TMC6: variants seen among roughly 807,000 people sequenced by gnomAD.
TMC6 encodes the protein transmembrane channel-like protein 6.
A neutral mutation model predicts 95.4 loss-of-function variants in TMC6; 71 were observed. The ratio of observed to expected loss-of-function variants is 0.74; its 90% CI spans 0.61 to 0.91. The LOEUF (loss-of-function observed/expected upper bound fraction) is 0.91, where lower values mean the gene tolerates loss of function less well. Among genes scored for constraint, TMC6 ranks in the 40% least tolerant of loss-of-function variants. TMC6 has a pLI of 0.00. For synonymous variants in TMC6, 514 were observed against 483.1 expected (o/e 1.06, Z -0.84); for missense variants, 1,074 against 1,079.1 (o/e 1.00, Z 0.07).
upstream of TMC6, chr17:78,131,496 GC>G: frequency 6.6e-7 from 1 of 1,504,778 alleles, no homozygotes; most frequent in South Asian, 1.2e-5. Flanking sequence ...GTGCACAGAG[GC>G]CATAGCCAAG....
chr17:78,131,194 G>T (rs2074954865), upstream of TMC6: 15 of 344,206 alleles, frequency 4.4e-5, no homozygotes, highest in South Asian at 3.7e-4. Context: ...GGCACAGGTG[G>T]ATGCGGGGTG....
upstream of TMC6, among the ~76,000 whole-genome samples, chr17:78,129,127 C>CG (rs1243854056): frequency 2.2e-4 from 33 of 147,710 alleles, no homozygotes; most frequent in African/African-American, 8.2e-4. This position sits in a 1 kb window ranked among gnomAD's most constrained non-coding sequence, Gnocchi z 4.3. Context: ...CCCCCCCCCC[C>CG]GCCGCCCCCG....
At chr17:78,116,123 G>A (rs1183372945) in intron 18 of TMC6, among the ~76,000 whole-genome samples, 2 of 151,760 alleles carry the variant, frequency 1.3e-5, no homozygotes, top group South Asian at 2.1e-4. Flanking sequence ...GGTACAGGTG[G>A]ACGCCACCAC....
At position 78,126,186 on chromosome 17, in the gene TMC6, GGGAGATGCCT is replaced by G. The variant is rs1165222410; in HGVS notation, c.271+81_271+90del. On this transcript the variant is annotated intron_variant, in intron 4 of 19. Coordinates refer to ENST00000590602, the MANE Select transcript of TMC6 (RefSeq NM_001127198.5). ...GAGCTACGGGAGCAGCCACTACCCAGGGAGATGCCTGGCAGGAAGCCCAGCCCAGCCCCAG... is the reference window on the plus strand; with the variant it reads ...GAGCTACGGGAGCAGCCACTACCCAGGGCAGGAAGCCCAGCCCAGCCCCAG... 2.7e-6 allele frequency: 4 copies of G among 1,496,422 alleles called. No homozygotes were observed. In the African/African-American group the frequency reaches 5.5e-5, roughly 21 times the overall value. 92.7% of individuals were successfully genotyped at this position (1,496,422 alleles called of 1,614,324 possible). A position where few individuals can be genotyped will look rare whatever the true frequency, so the allele number is the denominator to read the frequency against.
In TMC6 at chr17:78,128,728, CA is replaced by C. The variant is rs1160473071; in HGVS notation, c.-192del. The stretch of plus-strand genomic sequence containing the variant: ...TTGCCAAGGGAGTGGCAAAGGGCCC[CA>C]GGGGCGACTGGGCCAGTCGCAGGTC... On this transcript the variant is annotated 5_prime_UTR_variant, in exon 1 of 20. Coordinates refer to ENST00000590602, the MANE Select transcript of TMC6 (RefSeq NM_001127198.5). This position sits in a 1 kb window ranked among gnomAD's most constrained non-coding sequence, Gnocchi z 4.0. The C allele has an allele frequency of 4.1e-5, 5 of 121,378 alleles. No homozygotes were observed. Among genetic ancestry groups the C allele is most frequent in the African/African-American group, 1.9e-4 (5 of 25,712 alleles). 7.5% of individuals were successfully genotyped at this position (121,378 alleles called of 1,614,324 possible). A position where few individuals can be genotyped will look rare whatever the true frequency, so the allele number is the denominator to read the frequency against.
At chr17:78,126,441 C>T in intron 3 of TMC6, 75 bp from the exon 4 acceptor site, 1 of 1,607,546 alleles carries the variant, frequency 6.2e-7, no homozygotes, top group Non-Finnish European at 8.5e-7. Flanking sequence ...CATCCCAGGC[C>T]TGCAGAGCTG....
chr17:78,125,579 C>CG lies in TMC6; in HGVS notation c.430+146dup, dbSNP rs560570189. ...GTCCCCGTGGGTCCCTGCAGAGGGA[C>CG]GGGGGGGCCTTCAGGCAGCCTGCTA... is the stretch of plus-strand genomic sequence containing the variant. On this transcript the variant is annotated intron_variant, in intron 5 of 19. Coordinates refer to ENST00000590602, the MANE Select transcript of TMC6 (RefSeq NM_001127198.5). The CG allele has an allele frequency of 1.1e-4, 143 of 1,271,752 alleles. 1 individual carries two copies. The East Asian group carries it at 1.7e-3, about 15-fold the overall frequency. The allele number at this position is 1,271,752 out of a possible 1,614,324, so 78.8% of individuals were successfully genotyped here.
chr17:78,132,010 G>C, upstream of TMC6: 1 of 1,532,814 alleles, frequency 6.5e-7, no homozygotes, highest in Non-Finnish European at 8.7e-7. Context: ...CTCTGGGAGG[G>C]GGCGCTCTAC....
In TMC6 at chr17:78,111,346, C is replaced by G. The variant is rs1467348476; in HGVS notation, c.*1802G>C. On this transcript the variant is annotated 3_prime_UTR_variant, in exon 20 of 20. Coordinates refer to ENST00000590602, the MANE Select transcript of TMC6 (RefSeq NM_001127198.5). ...CTTTGTGAGGCTGGCAAGATGGGCT[C>G]AACAGGTCACAACCAATGATCATGC... is the stretch of plus-strand genomic sequence containing the variant. 1 of 152,322 alleles carries G rather than the reference C, an allele frequency of 6.6e-6. No individual in the cohort carries two copies. The highest frequency in any genetic ancestry group is 6.5e-5 in the Admixed American group (1 of 15,286). 9.4% of individuals were successfully genotyped at this position (152,322 alleles called of 1,614,324 possible).
At chr17:78,131,213 C>T (rs1292731215), upstream of TMC6, 5 of 375,652 alleles carry the variant, frequency 1.3e-5, no homozygotes, top group Admixed American at 2.0e-4. Flanking sequence ...TGCAGCAGGT[C>T]TTGGCTTTCT....
chr17:78,114,263 T>C (rs2073941743), intron 18 of TMC6, among the ~76,000 whole-genome samples: 1 of 152,122 alleles, frequency 6.6e-6, no homozygotes, highest in Non-Finnish European at 1.5e-5. Context: ...CCTGCTCACG[T>C]GGCACCACTC....
rs770030618 is a variant in TMC6 at position 78,117,566 on chromosome 17, G to A, written c.2100C>T (p.His700=). The change falls in exon 17 of 20, where the codon CAC becomes CAT. Residue 700 remains histidine, a synonymous_variant. Coordinates refer to ENST00000590602, the MANE Select transcript of TMC6 (RefSeq NM_001127198.5). ...MYEAGRVWVR[H]LEAAGPRVSW... ...AGACCCTGGGGCCTGCCGCCTCCAG[G>A]TGGCGCACCCACACCCTGCCGGCCT... The A allele has an allele frequency of 1.9e-6, 3 of 1,592,550 alleles. No individual in the cohort carries two copies. The highest frequency in any genetic ancestry group is 2.3e-5 in the South Asian group (2 of 88,572).
upstream of TMC6, chr17:78,131,729 C>G (rs201039625): frequency 2.2e-4 from 347 of 1,584,020 alleles, 6 homozygotes; most frequent in South Asian, 2.4e-3. Flanking sequence ...TGGACAAGCG[C>G]CTCATCTGGT....
chr17:78,124,391 C>A, intron 8 of TMC6, 133 bp downstream of exon 8: 1 of 1,453,310 alleles, frequency 6.9e-7, no homozygotes, highest in Non-Finnish European at 9.3e-7. Context: ...AGGCGGGGAG[C>A]TGGCTGTGGC....
At chr17:78,119,970 AT>A (rs1487110268) in intron 13 of TMC6, 1 of 360,818 alleles carries the variant, frequency 2.8e-6, no homozygotes. Context: ...TTTTAATCTT[AT>A]TTTTTATTAT....
At position 78,113,176 on chromosome 17, in the gene TMC6, G is replaced by A. The variant is rs907354650; in HGVS notation, c.2390C>T (p.Ala797Val). The A allele has an allele frequency of 1.3e-5, 21 of 1,558,198 alleles. No homozygotes were observed. The highest frequency in any genetic ancestry group is 1.7e-5 in the Non-Finnish European group (19 of 1,150,134). Reference sequence around the variant, plus strand: ...GGCATCCTGTTCATCTGTGAGCAGGGCAGGGGGTGCCGCAGCCTCCTCGGT... The same window carrying A: ...GGCATCCTGTTCATCTGTGAGCAGGACAGGGGGTGCCGCAGCCTCCTCGGT... Reference protein sequence around the residue: ...GTTEEAAAPPALLTDEQDA With the variant: ...GTTEEAAAPPVLLTDEQDA The change falls in exon 20 of 20, where the codon GCC becomes GTC. Residue 797 changes from alanine to valine, a missense_variant. Transcript: ENST00000590602.
Position 78,122,462 on chromosome 17 carries a change from C to A in TMC6, c.1227+143G>T. ...GCCCGTCACTGCAAGCAGAAGACCACGCCTGCCCAGCGCCCCGAGTTCAGC... is the reference window on the plus strand; with the variant it reads ...GCCCGTCACTGCAAGCAGAAGACCAAGCCTGCCCAGCGCCCCGAGTTCAGC... On this transcript the variant is annotated intron_variant, in intron 10 of 19. Transcript: ENST00000590602. The surrounding 1 kb of genome is among the most constrained non-coding windows in gnomAD (Gnocchi z 4.9). The A allele has an allele frequency of 7.8e-7, 1 of 1,276,854 alleles. No homozygotes were observed. The highest frequency in any genetic ancestry group is 1.1e-6 in the Non-Finnish European group (1 of 933,804). The allele number at this position is 1,276,854 out of a possible 1,614,324, so 79.1% of individuals were successfully genotyped here.
rs562533482 is a variant in TMC6, at chr17:78,121,545, C to T, written c.1383+11G>A. 1.6e-5 allele frequency: 26 copies of T among 1,610,996 alleles called. 1 individual carries two copies. The highest frequency in any genetic ancestry group is 7.7e-5 in the South Asian group (7 of 90,990). ...TTCCAAGCAAGGGCCAGGCTCCCCC[C>T]ATCCCCGCACCTGGATCATGAACTC... On this transcript the variant is annotated intron_variant, in intron 11 of 19. Transcript: ENST00000590602. The surrounding 1 kb of genome is among the most constrained non-coding windows in gnomAD (Gnocchi z 5.6).
At chr17:78,130,814 A>G (rs947355054), upstream of TMC6, 10 of 152,402 alleles carry the variant, frequency 6.6e-5, no homozygotes, top group African/African-American at 2.4e-4. Context: ...TCGTCTGAGA[A>G]GGGGACTCCT....
Sources: allele counts gnomAD v4.1 joint callset (sites outside exome capture counted in the v4.1 genomes callset), GRCh38; gene constraint gnomAD v4.1.1; non-coding constraint Gnocchi (gnomAD v3.1); transcripts MANE v1.5; gene names NCBI Gene and HGNC (gene_info 2026-07-23, HGNC 2026-07-21).